TMPRSS11E: variants seen among roughly 807,000 people sequenced by gnomAD.
TMPRSS11E encodes transmembrane protease serine 11E.
TMPRSS11E carries 38 observed loss-of-function variants against 48.1 expected under a neutral mutation model. That is an observed-to-expected ratio of 0.79 (90% CI 0.61 to 1.04). The LOEUF (loss-of-function observed/expected upper bound fraction) is 1.04. Among genes scored for constraint, TMPRSS11E ranks in the 50% least tolerant of loss-of-function variants. The pLI, the probability that TMPRSS11E is intolerant of heterozygous loss-of-function variation, is 0.00. For synonymous variants in TMPRSS11E, 158 were observed against 171.9 expected (o/e 0.92, Z 0.63); for missense variants, 530 against 510.8 (o/e 1.04, Z -0.36).
Position 68,478,451 on chromosome 4 carries a change from C to CTTTTTTTTTTTTT in TMPRSS11E, c.968-389_968-377dup, listed in dbSNP as rs377068765. The stretch of plus-strand genomic sequence containing the variant: ...AAGCCACCGCACCCGGTATCCCCCG[C>CTTTTTTTTTTTTT]TTTTTTTTTTTTTTTTTTTTTAAGA... On this transcript the variant is annotated intron_variant, in intron 8 of 9. Transcript: ENST00000305363. 2.0e-4 allele frequency among the ~76,000 whole-genome samples: 15 copies of CTTTTTTTTTTTTT among 73,636 alleles called. 1 individual carries two copies. The highest frequency in any genetic ancestry group is 1.9e-3 in the East Asian group (3 of 1,602). The allele number at this position is 73,636 out of a possible 152,430, so 48.3% of individuals were successfully genotyped here. A position where few individuals can be genotyped will look rare whatever the true frequency, so the allele number is the denominator to read the frequency against.
intron 8 of TMPRSS11E, among the ~76,000 whole-genome samples, chr4:68,477,852 G>A (rs1729275512): frequency 6.6e-6 from 1 of 152,090 alleles, no homozygotes; most frequent in South Asian, 2.1e-4. Context: ...TCATAGTACT[G>A]CTAAGATGTC....
chr4:68,462,080 T>G (rs536085626), intron 2 of TMPRSS11E, 135 bp downstream of exon 2: 1 of 1,114,480 alleles, frequency 9.0e-7, no homozygotes, highest in African/African-American at 1.6e-5. Flanking sequence ...GATCTTTACC[T>G]GCTTTCTCTC....
Position 68,497,104 on chromosome 4 carries a change from G to T in TMPRSS11E, c.*300G>T, listed in dbSNP as rs1729894038. ...CATTTGTTCTCTAGAAGTTTTGTCA[G>T]AATTTTGACTTGTTGACATAAATTT... is the stretch of plus-strand genomic sequence containing the variant. On this transcript the variant is annotated 3_prime_UTR_variant, in exon 10 of 10. Coordinates refer to ENST00000305363, the MANE Select transcript of TMPRSS11E (RefSeq NM_014058.4). The T allele has an allele frequency of 2.2e-5, 5 of 229,490 alleles. No homozygotes were observed. The highest frequency in any genetic ancestry group is 4.2e-5 in the Non-Finnish European group (5 of 119,448). 14.2% of individuals were successfully genotyped at this position (229,490 alleles called of 1,614,324 possible). A position where few individuals can be genotyped will look rare whatever the true frequency, so the allele number is the denominator to read the frequency against.
chr4:68,448,787 G>A (rs944238999), intron 1 of TMPRSS11E, among the ~76,000 whole-genome samples: 11 of 151,762 alleles, frequency 7.2e-5, no homozygotes, highest in African/African-American at 2.2e-4. Context: ...AAACAAAAAC[G>A]TCTTCCTGAT....
At chr4:68,457,946 A>G (rs1015004237) in intron 1 of TMPRSS11E, among the ~76,000 whole-genome samples, 1 of 151,712 alleles carries the variant, frequency 6.6e-6, no homozygotes, top group Non-Finnish European at 1.5e-5. Context: ...GTGGGGGGCT[A>G]GGGGAGGGAT....
intron 1 of TMPRSS11E, among the ~76,000 whole-genome samples, chr4:68,454,620 A>G (rs961555531): frequency 4.0e-5 from 6 of 151,888 alleles, no homozygotes; most frequent in African/African-American, 7.2e-5. Flanking sequence ...GGGTCTATAC[A>G]TTTTTCAATT....
At chr4:68,493,476 G>A (rs879400911) in intron 9 of TMPRSS11E, among the ~76,000 whole-genome samples, 1 of 151,796 alleles carries the variant, frequency 6.6e-6, no homozygotes, top group Non-Finnish European at 1.5e-5. Flanking sequence ...CCATTTTTTT[G>A]GGGGGGAGGG....
chr4:68,462,272 G>A (rs186845940), intron 2 of TMPRSS11E, among the ~76,000 whole-genome samples: 8 of 152,114 alleles, frequency 5.3e-5, no homozygotes, highest in South Asian at 4.2e-4. Context: ...CACAGGGCAA[G>A]CATCTTGATT....
chr4:68,484,720 A>G (rs1729503271), intron 9 of TMPRSS11E, among the ~76,000 whole-genome samples: 2 of 152,152 alleles, frequency 1.3e-5, no homozygotes, highest in South Asian at 4.1e-4. Flanking sequence ...ATTGTGAATG[A>G]GATTGCACTC....
chr4:68,492,088 T>G (rs958975322), intron 9 of TMPRSS11E, among the ~76,000 whole-genome samples: 2 of 152,332 alleles, frequency 1.3e-5, no homozygotes, highest in African/African-American at 4.8e-5. Flanking sequence ...TAATTGCTCC[T>G]GGAGGAACAC....
intron 2 of TMPRSS11E, among the ~76,000 whole-genome samples, chr4:68,465,121 G>T (rs1728892346): frequency 6.6e-6 from 1 of 152,112 alleles, no homozygotes; most frequent in African/African-American, 2.4e-5. Flanking sequence ...TATATTTCCA[G>T]GTACCTGCCT....
Position 68,476,239 on chromosome 4 carries a change from AC to A in TMPRSS11E, c.530-15del, listed in dbSNP as rs748177790. ...TGCTAATTAATGCACCCACCAATGC[AC>A]CCCCCCTCTCTCTTTTGCAGGCTGC... On this transcript the variant is annotated intron_variant, in intron 6 of 9. Transcript: ENST00000305363. The A allele has an allele frequency of 1.3e-4, 212 of 1,612,992 alleles. 1 individual carries two copies. In the African/African-American group the frequency reaches 2.3e-3, roughly 17 times the overall value.
intron 9 of TMPRSS11E, among the ~76,000 whole-genome samples, chr4:68,492,394 A>G (rs1729751826): frequency 6.6e-6 from 1 of 152,212 alleles, no homozygotes; most frequent in African/African-American, 2.4e-5. Flanking sequence ...AGGTTGAAAA[A>G]TGTGATACTG....
intron 9 of TMPRSS11E, among the ~76,000 whole-genome samples, chr4:68,485,436 C>T (rs74636656): frequency 0.25 from 37,243 of 151,988 alleles, 5,603 homozygotes; most frequent in East Asian, 0.77. Context: ...CATGAGCCAC[C>T]GTGCCCAGCC....
At chr4:68,466,094 T>C (rs1395431833) in intron 2 of TMPRSS11E, among the ~76,000 whole-genome samples, 1 of 152,194 alleles carries the variant, frequency 6.6e-6, no homozygotes, top group Non-Finnish European at 1.5e-5. Context: ...GTGGCAACTT[T>C]AGCTCCCTAA....
intron 1 of TMPRSS11E, 41 bp from the exon 2 acceptor site, chr4:68,461,780 G>C: frequency 1.2e-6 from 2 of 1,613,312 alleles, no homozygotes; most frequent in Non-Finnish European, 1.7e-6. Context: ...TGGATGTGTT[G>C]CATGCTCTGA....
chr4:68,485,396 C>G (rs1331502464), intron 9 of TMPRSS11E, among the ~76,000 whole-genome samples: 2 of 152,262 alleles, frequency 1.3e-5, no homozygotes, highest in East Asian at 3.9e-4. Context: ...ATCCACACAT[C>G]TCGGCCTCCC....
Position 68,485,815 on chromosome 4 carries a change from G to A in TMPRSS11E, c.1110+6824G>A, listed in dbSNP as rs144332750. On this transcript the variant is annotated intron_variant, in intron 9 of 9. Transcript: ENST00000305363. ...TGTTGGCTGTTTTTTTAAAATTACT[G>A]GTTCAATTTTGGAACTCATTATTTA... is the stretch of plus-strand genomic sequence containing the variant. Among the ~76,000 whole-genome samples, 446 of 151,858 alleles carry A rather than the reference G, an allele frequency of 2.9e-3. 3 individuals are homozygous for A. Among genetic ancestry groups the A allele is most frequent in the African/African-American group, 9.3e-3 (386 of 41,402 alleles).
chr4:68,476,659 C>T (rs1366963848), intron 7 of TMPRSS11E, among the ~76,000 whole-genome samples: 9 of 152,088 alleles, frequency 5.9e-5, no homozygotes, highest in Non-Finnish European at 1.2e-4. Context: ...TTTTGATAAA[C>T]ACACAATAGT....
Sources: gnomAD v4.1 joint callset for allele counts (sites outside exome capture counted in the v4.1 genomes callset) on GRCh38, gnomAD v4.1.1 for gene constraint, MANE v1.5 for transcripts, NCBI Gene and HGNC (gene_info 2026-07-23, HGNC 2026-07-21) for gene names.